The following DUSP18 variants were observed in gnomAD, a reference collection of about 807,000 sequenced individuals.
DUSP18 encodes dual specificity phosphatase 18.
Under a neutral mutation model 6.3 loss-of-function variants are expected in DUSP18, and 4 were observed. That is an observed-to-expected ratio of 0.63 (90% CI 0.31 to 1.45). The LOEUF (loss-of-function observed/expected upper bound fraction) is 1.45. DUSP18 is among the 40% of genes most tolerant of loss of function. The probability of loss-of-function intolerance (pLI) is 0.07; values close to 1 mark genes in which losing one functional copy is unlikely to be tolerated. For synonymous variants in DUSP18, 96 were observed against 95.1 expected (o/e 1.01, Z -0.05); for missense variants, 235 against 247.7 (o/e 0.95, Z 0.34).
At chr22:30,657,395 G>A (rs889135413), downstream of DUSP18, among the ~76,000 whole-genome samples, 25 of 149,528 alleles carry the variant, frequency 1.7e-4, no homozygotes, top group Admixed American at 1.6e-3. Flanking sequence ...GGAGGCGGAG[G>A]TTGCAGTAAG....
At chr22:30,659,080 C>T (rs866385373), downstream of DUSP18, among the ~76,000 whole-genome samples, 3 of 139,810 alleles carry the variant, frequency 2.1e-5, no homozygotes, top group East Asian at 2.2e-4. Context: ...GCTGGGATTG[C>T]GCCATTGCAC....
At chr22:30,655,429 CAAAAAAAA>C (rs5844917) in intron 2 of DUSP18, among the ~76,000 whole-genome samples, 91 of 111,650 alleles carry the variant, frequency 8.2e-4, no homozygotes, top group South Asian at 4.5e-3. Flanking sequence ...GAGATCCTAC[CAAAAAAAA>C]AAAAAAAAAA....
downstream of DUSP18, among the ~76,000 whole-genome samples, chr22:30,657,844 C>T (rs997617451): frequency 2.0e-5 from 3 of 150,910 alleles, no homozygotes; most frequent in Non-Finnish European, 4.4e-5. Flanking sequence ...GCGGAGCTTG[C>T]AGTGAGCCAA....
At position 30,663,273 on chromosome 22, in the gene DUSP18, G is replaced by T. The variant is rs747420326; in HGVS notation, c.*164C>A. On this transcript the variant is annotated 3_prime_UTR_variant, in exon 2 of 2. Coordinates refer to ENST00000334679, the MANE Select transcript of DUSP18 (RefSeq NM_152511.5). ...CAATTAGTTTAATCTTAAAAAAAAT[G>T]GATTATAAAGTTAAAAGCTACAGCA... The T allele has an allele frequency of 7.0e-6, 5 of 710,128 alleles. No homozygotes were observed. Among genetic ancestry groups the T allele is most frequent in the Non-Finnish European group, 1.1e-5 (5 of 442,984 alleles). The allele number at this position is 710,128 out of a possible 1,614,324, so 44.0% of individuals were successfully genotyped here.
At chr22:30,653,205 A>G (rs960883981) in intron 2 of DUSP18, among the ~76,000 whole-genome samples, 4 of 152,106 alleles carry the variant, frequency 2.6e-5, no homozygotes, top group African/African-American at 9.6e-5. Flanking sequence ...CTGGCCTGGT[A>G]TTTGAAGCCC....
At position 30,663,134 on chromosome 22, in the gene DUSP18, C is replaced by G. The variant is rs1404738808; in HGVS notation, c.*303G>C. The stretch of plus-strand genomic sequence containing the variant: ...TGTTTTTGGGGAGGGCTGCAGGATT[C>G]CAGGCCTGCCATGTGCAATGGGTGC... On this transcript the variant is annotated 3_prime_UTR_variant, in exon 2 of 2. Coordinates refer to ENST00000334679, the MANE Select transcript of DUSP18 (RefSeq NM_152511.5). 1.7e-5 allele frequency: 5 copies of G among 302,634 alleles called. No homozygotes were observed. The highest frequency in any genetic ancestry group is 3.1e-5 in the Non-Finnish European group (5 of 163,010). 18.7% of individuals were successfully genotyped at this position (302,634 alleles called of 1,614,324 possible).
At chr22:30,655,428 C>A (rs1317787) in intron 2 of DUSP18, among the ~76,000 whole-genome samples, 1 of 121,576 alleles carries the variant, frequency 8.2e-6, no homozygotes, top group African/African-American at 3.6e-5. Context: ...TGAGATCCTA[C>A]CAAAAAAAAA....
Position 30,663,200 on chromosome 22 carries a change from C to T in DUSP18, c.*237G>A, listed in dbSNP as rs560958490. 4.0e-4 allele frequency: 203 copies of T among 508,846 alleles called. 1 individual carries two copies. Among genetic ancestry groups the T allele is most frequent in the African/African-American group, 3.5e-3 (182 of 52,296 alleles). The allele number at this position is 508,846 out of a possible 1,614,324, so 31.5% of individuals were successfully genotyped here. ...GGGCACCATCTGCCTCAACCTATCCCCTGGCCAGTGTCACTCACAGGGCAG... is the reference window on the plus strand; with the variant it reads ...GGGCACCATCTGCCTCAACCTATCCTCTGGCCAGTGTCACTCACAGGGCAG... On this transcript the variant is annotated 3_prime_UTR_variant, in exon 2 of 2. Coordinates refer to ENST00000334679, the MANE Select transcript of DUSP18 (RefSeq NM_152511.5).
intron 1 of DUSP18, among the ~76,000 whole-genome samples, chr22:30,664,758 C>G (rs2088588967): frequency 6.6e-6 from 1 of 152,230 alleles, no homozygotes; most frequent in Non-Finnish European, 1.5e-5. Flanking sequence ...CATGCTCCTG[C>G]ACCTTGCCTC....
chr22:30,654,184 C>G (rs2088286828), intron 2 of DUSP18: 2 of 253,550 alleles, frequency 7.9e-6, no homozygotes, highest in African/African-American at 2.3e-5. Flanking sequence ...CTGGGTTTCA[C>G]CATGTTAGCC....
chr22:30,667,817 GT>G lies in DUSP18; in HGVS notation c.-434del, dbSNP rs34597012. ...GCCCATCTCTACGGCAACGGGCCGG[GT>G]CGCACCAGGGCTGCAGCCGAGAGAC... On this transcript the variant is annotated 5_prime_UTR_variant, in exon 1 of 2. Transcript: ENST00000334679. 0.29 allele frequency: 43,735 copies of G among 152,476 alleles called. 7,286 individuals carry two copies. The highest frequency in any genetic ancestry group is 0.45 in the African/African-American group (18,832 of 41,466). The allele number at this position is 152,476 out of a possible 1,614,324, so 9.4% of individuals were successfully genotyped here.
downstream of DUSP18, among the ~76,000 whole-genome samples, chr22:30,659,020 A>G (rs1029308792): frequency 6.7e-6 from 1 of 148,770 alleles, no homozygotes; most frequent in African/African-American, 2.5e-5. Context: ...GCTATTCGGG[A>G]GGCTGAGGCA....
Position 30,663,350 on chromosome 22 carries a change from A to G in DUSP18, c.*87T>C, listed in dbSNP as rs1413135500. On this transcript the variant is annotated 3_prime_UTR_variant, in exon 2 of 2. Transcript: ENST00000334679. ...TCATCTGTTTTTTTCTGTATCAACA[A>G]AAGTAGAATGTTCAAGTTTGGATCT... 3 of 1,361,198 alleles carry G rather than the reference A, an allele frequency of 2.2e-6. No individual in the cohort carries two copies. The highest frequency in any genetic ancestry group is 1.5e-5 in the African/African-American group (1 of 68,884). 84.3% of individuals were successfully genotyped at this position (1,361,198 alleles called of 1,614,324 possible).
intron 1 of DUSP18, chr22:30,667,167 A>G (rs1425359952): frequency 6.6e-6 from 1 of 152,202 alleles, no homozygotes; most frequent in Non-Finnish European, 1.5e-5. Context: ...ACCGGCGTCT[A>G]GAGTTAATAT....
chr22:30,661,810 A>G lies in DUSP18; in HGVS notation c.*1627T>C, dbSNP rs1440101033. 6.6e-6 allele frequency: 1 copy of G among 152,152 alleles called. No homozygotes were observed. The highest frequency in any genetic ancestry group is 1.5e-5 in the Non-Finnish European group (1 of 68,068). 9.4% of individuals were successfully genotyped at this position (152,152 alleles called of 1,614,324 possible). On this transcript the variant is annotated 3_prime_UTR_variant, in exon 2 of 2. Transcript: ENST00000334679. ...TGGAGTCCACTAGTTAGTCCCTTTGACACGGCCCCCTTATGGATCCCAGTA... is the reference window on the plus strand; with the variant it reads ...TGGAGTCCACTAGTTAGTCCCTTTGGCACGGCCCCCTTATGGATCCCAGTA...
downstream of DUSP18, among the ~76,000 whole-genome samples, chr22:30,658,420 G>C (rs375638221): frequency 8.6e-5 from 13 of 151,590 alleles, no homozygotes; most frequent in South Asian, 1.9e-3. Context: ...CAGTAACAGT[G>C]GTGGCCAGAA....
intron 2 of DUSP18, chr22:30,653,940 C>A (rs913967467): frequency 1.2e-5 from 2 of 168,584 alleles, no homozygotes; most frequent in Non-Finnish European, 2.6e-5. Flanking sequence ...TCTCCACGTT[C>A]TTTTCGGCCT....
downstream of DUSP18, among the ~76,000 whole-genome samples, chr22:30,659,560 C>T (rs566580750): frequency 8.5e-5 from 13 of 152,062 alleles, no homozygotes; most frequent in Admixed American, 2.0e-4. Context: ...TTTTTAGAGA[C>T]GGGGTTTCAA....
Position 30,663,296 on chromosome 22 carries a change from G to A in DUSP18, c.*141C>T. The stretch of plus-strand genomic sequence containing the variant: ...ATGGATTATAAAGTTAAAAGCTACA[G>A]CAACTCTTTTTTGTGCTCATAAAAG... On this transcript the variant is annotated 3_prime_UTR_variant, in exon 2 of 2. Transcript: ENST00000334679. 1 of 800,486 alleles carries A rather than the reference G, an allele frequency of 1.2e-6. No individual in the cohort carries two copies. Among genetic ancestry groups the A allele is most frequent in the Non-Finnish European group, 1.9e-6 (1 of 515,676 alleles). The allele number at this position is 800,486 out of a possible 1,614,324, so 49.6% of individuals were successfully genotyped here.
Sources: gnomAD v4.1 joint callset for allele counts (sites outside exome capture counted in the v4.1 genomes callset) on GRCh38, gnomAD v4.1.1 for gene constraint, MANE v1.5 for transcripts, NCBI Gene and HGNC (gene_info 2026-07-23, HGNC 2026-07-21) for gene names.